TBL3: variants seen among roughly 807,000 people sequenced by gnomAD.
TBL3 encodes transducin beta like 3.
In TBL3, 71 loss-of-function variants were observed where a neutral mutation model predicts 102.7. That is an observed-to-expected ratio of 0.69 (90% confidence interval 0.57 to 0.84). The LOEUF is 0.84. Among genes scored for constraint, TBL3 ranks in the 40% least tolerant of loss-of-function variants. The probability of loss-of-function intolerance (pLI) is 0.00; values close to 1 mark genes in which losing one functional copy is unlikely to be tolerated. For missense variants in TBL3, 1,188 were observed against 1,098.5 expected (o/e 1.08, Z -1.15); for synonymous variants, 578 against 477.7 (o/e 1.21, Z -2.74).
rs1274260295 is a variant in TBL3 at position 1,981,377 on chromosome 16, G to A, written c.*2692G>A. 7.4e-7 allele frequency: 1 copy of A among 1,357,330 alleles called. No individual in the cohort carries two copies. The highest frequency in any genetic ancestry group is 1.5e-5 in the African/African-American group (1 of 68,278). 84.1% of individuals were successfully genotyped at this position (1,357,330 alleles called of 1,614,324 possible). On this transcript the variant is annotated 3_prime_UTR_variant, in exon 22 of 22. Transcript: ENST00000568546. ...TGCTGTCCCCCAAGCCCACGATCTG[G>A]GGGCAGGAGCACAGGGATTGGGGGA...
intron 4 of TBL3, 49 bp downstream of exon 4, chr16:1,974,472 A>G (rs200042172): frequency 3.3e-5 from 53 of 1,589,496 alleles, no homozygotes; most frequent in Non-Finnish European, 3.9e-5. Context: ...CCTCCCTCCC[A>G]GACTGAGTCC....
At position 1,978,873 on chromosome 16, in the gene TBL3, G is replaced by C. The variant is rs992905994; in HGVS notation, c.*188G>C. On this transcript the variant is annotated 3_prime_UTR_variant, in exon 22 of 22. Coordinates refer to ENST00000568546, the MANE Select transcript of TBL3 (RefSeq NM_006453.3). Reference sequence around the variant, plus strand: ...CCACGCCCATCCCGCACCCTGGCCTGGCAGAGATCCAGCCCGCGGCTCCGC... The same window carrying C: ...CCACGCCCATCCCGCACCCTGGCCTCGCAGAGATCCAGCCCGCGGCTCCGC... 3 of 1,080,074 alleles carry C rather than the reference G, an allele frequency of 2.8e-6. No individual in the cohort carries two copies. The African/African-American group carries it at 4.8e-5, about 17-fold the overall frequency. The allele number at this position is 1,080,074 out of a possible 1,614,324, so 66.9% of individuals were successfully genotyped here.
rs536488813 is a variant in TBL3, at chr16:1,976,290, G to C, written c.1268G>C (p.Ser423Thr). The C allele has an allele frequency of 1.9e-5, 30 of 1,613,890 alleles. 1 individual carries two copies. In the East Asian group the frequency reaches 2.0e-4, roughly 11 times the overall value. ...CVAQGSGHTH[S>T]VGTVCCSRLK... ...GCTCAGGGTTCCGGTCACACACACA[G>C]TGTGGGCACCGTCTGCTGCTCTAGG... The change falls in exon 13 of 22, where the codon AGT becomes ACT. Residue 423 changes from serine (S) to threonine (T), a missense_variant. Coordinates refer to ENST00000568546, the MANE Select transcript of TBL3 (RefSeq NM_006453.3).
In TBL3 at chr16:1,976,932, G is replaced by A. The variant is rs542297499; in HGVS notation, c.1411G>A (p.Ala471Thr). ...AGACAACGGCCCTATCCTCCTGCAG[G>A]CCCAGACCACTCAGCGCTGCCATGA... Reference protein sequence around the residue: ...APDNGPILLQAQTTQRCHDKD... With the variant: ...APDNGPILLQTQTTQRCHDKD... Residue 471 changes from alanine (A) to threonine (T), a missense_variant, in exon 14 of 22, where the codon GCC becomes ACC. Transcript: ENST00000568546. 6.2e-7 allele frequency: 1 copy of A among 1,613,954 alleles called. No homozygotes were observed. The highest frequency in any genetic ancestry group is 1.1e-5 in the South Asian group (1 of 91,086).
In TBL3 at chr16:1,975,899, A is replaced by G; in HGVS notation, c.1079A>G (p.Lys360Arg). The G allele has an allele frequency of 1.2e-6, 2 of 1,614,066 alleles. No individual in the cohort carries two copies. Among genetic ancestry groups the G allele is most frequent in the Non-Finnish European group, 1.7e-6 (2 of 1,180,018 alleles). ...GTGGCCTCCAATAGCCCCTGCCTAA[A>G]AGTGTTTGAGCTGCAGACGTCAGCC... is the stretch of plus-strand genomic sequence containing the variant. ...VVVASNSPCL[K>R]VFELQTSACQ... The change falls in exon 11 of 22, where the codon AAA becomes AGA. Residue 360 changes from lysine to arginine, a missense_variant. Transcript: ENST00000568546.
rs897878795 is a variant in TBL3, at chr16:1,976,246, T to C, written c.1224T>C (p.Ala408=). ...TCCGTATCTGGAGAATGAACAAGGCTGGCCAGGTGATGTGCGTGGCTCAGG... is the reference window on the plus strand; with the variant it reads ...TCCGTATCTGGAGAATGAACAAGGCCGGCCAGGTGATGTGCGTGGCTCAGG... ...QSVRIWRMNK[A]GQVMCVAQGS... Residue 408 remains alanine, a synonymous_variant, in exon 13 of 22, where the codon GCT becomes GCC. Coordinates refer to ENST00000568546, the MANE Select transcript of TBL3 (RefSeq NM_006453.3). 6.2e-7 allele frequency: 1 copy of C among 1,614,150 alleles called. No homozygotes were observed. Among genetic ancestry groups the C allele is most frequent in the South Asian group, 1.1e-5 (1 of 91,088 alleles).
At position 1,981,002 on chromosome 16, in the gene TBL3, C is replaced by T. The variant is rs766784516; in HGVS notation, c.*2317C>T. On this transcript the variant is annotated 3_prime_UTR_variant, in exon 22 of 22. Coordinates refer to ENST00000568546, the MANE Select transcript of TBL3 (RefSeq NM_006453.3). Reference sequence around the variant, plus strand: ...AGGTGTCGCTGCCGTCTGACCAGCGCACAGAGAAGGCAAACGTCTGGGGGA... The same window carrying T: ...AGGTGTCGCTGCCGTCTGACCAGCGTACAGAGAAGGCAAACGTCTGGGGGA... 1 of 1,613,326 alleles carries T rather than the reference C, an allele frequency of 6.2e-7. No homozygotes were observed. Among genetic ancestry groups the T allele is most frequent in the East Asian group, 2.2e-5 (1 of 44,882 alleles).
chr16:1,974,097 G>T lies in TBL3; in HGVS notation c.83G>T (p.Gly28Val). ...ERKIEPFYKG[G>V]KAQLDQTGQH... ...AAAATTGAGCCTTTCTACAAGGGCG[G>T]AAAAGCACAGGTACCAGCCTGGGGA... The change falls in exon 2 of 22, where the codon GGA becomes GTA. Residue 28 changes from glycine (G) to valine (V), a missense_variant. Physicochemically the swap from Gly to Val is moderately radical, Grantham distance 109. Transcript: ENST00000568546. The T allele has an allele frequency of 6.3e-7, 1 of 1,586,038 alleles. No homozygotes were observed. Among genetic ancestry groups the T allele is most frequent in the Non-Finnish European group, 8.6e-7 (1 of 1,160,890 alleles).
Position 1,980,753 on chromosome 16 carries a change from T to C in TBL3, c.*2068T>C, listed in dbSNP as rs1383818727. The C allele has an allele frequency of 1.3e-6, 2 of 1,579,606 alleles. No homozygotes were observed. The highest frequency in any genetic ancestry group is 1.1e-5 in the South Asian group (1 of 87,406). On this transcript the variant is annotated 3_prime_UTR_variant, in exon 22 of 22. Coordinates refer to ENST00000568546, the MANE Select transcript of TBL3 (RefSeq NM_006453.3). ...TCTTCTGAGGGCGGGAACCAGGGCA[T>C]TGGTCTTCCAGAGCCCACTGTGCAC... is the stretch of plus-strand genomic sequence containing the variant.
intron 1 of TBL3, 73 bp downstream of exon 1, chr16:1,972,278 G>A (rs1006800110): frequency 2.3e-6 from 3 of 1,282,598 alleles, no homozygotes; most frequent in Non-Finnish European, 3.0e-6. Flanking sequence ...GCGCGCGTGG[G>A]GTGGGCACGC....
rs1033533642 is a variant in TBL3, at chr16:1,979,217, G to A, written c.*532G>A. ...CGGTGGGGGGAGGGGCGGTGGCCTG[G>A]GAGGGTTCAGGGAAGCCCCGGGCCT... On this transcript the variant is annotated 3_prime_UTR_variant, in exon 22 of 22. Transcript: ENST00000568546. The A allele has an allele frequency of 8.1e-6, 12 of 1,479,840 alleles. No homozygotes were observed. The highest frequency in any genetic ancestry group is 9.8e-6 in the Non-Finnish European group (11 of 1,122,516). The allele number at this position is 1,479,840 out of a possible 1,614,324, so 91.7% of individuals were successfully genotyped here. A position where few individuals can be genotyped will look rare whatever the true frequency, so the allele number is the denominator to read the frequency against.
At position 1,977,289 on chromosome 16, in the gene TBL3, G is replaced by A. The variant is rs2083410867; in HGVS notation, c.1671+5G>A. The A allele has an allele frequency of 6.2e-7, 1 of 1,613,436 alleles. No individual in the cohort carries two copies. On this transcript the variant is annotated splice_donor_5th_base_variant and intron_variant, in intron 15 of 21. Coordinates refer to ENST00000568546, the MANE Select transcript of TBL3 (RefSeq NM_006453.3). ...CAGGACTTCAGCTGTCTCAAGGTAA[G>A]TGGCGCTCCAGACCCTCCCCACTTC...
At chr16:1,975,120 G>A (rs1446751074) in intron 7 of TBL3, 22 bp downstream of exon 7, 1 of 1,612,782 alleles carries the variant, frequency 6.2e-7, no homozygotes, top group African/African-American at 1.3e-5. Context: ...GCCCTGGTAG[G>A]AGGGGGAGGC....
In TBL3 at chr16:1,981,076, T is replaced by G. The variant is rs768158427; in HGVS notation, c.*2391T>G. The stretch of plus-strand genomic sequence containing the variant: ...GGTGCTGGTCCAGGCACCCCCTTCC[T>G]ATCCCTTGGGGCCACTAAGGACCCA... On this transcript the variant is annotated 3_prime_UTR_variant, in exon 22 of 22. Transcript: ENST00000568546. 1 of 1,611,126 alleles carries G rather than the reference T, an allele frequency of 6.2e-7. No homozygotes were observed. The highest frequency in any genetic ancestry group is 1.3e-5 in the African/African-American group (1 of 74,914).
rs555947800 is a variant in TBL3, at chr16:1,981,425, GGAA to G, written c.*2750_*2752del. The G allele has an allele frequency of 5.0e-3, 4,708 of 945,762 alleles. 16 individuals carry two copies. The highest frequency in any genetic ancestry group is 6.2e-3 in the Middle Eastern group (18 of 2,910). 58.6% of individuals were successfully genotyped at this position (945,762 alleles called of 1,614,324 possible). ...GGACTTCCAGGCAGAGCTGCTGGGAGGAAGAAGAAGAATGAGCTTTCCAGCCCT... is the reference window on the plus strand; with the variant it reads ...GGACTTCCAGGCAGAGCTGCTGGGAGGAAGAAGAATGAGCTTTCCAGCCCT... On this transcript the variant is annotated 3_prime_UTR_variant, in exon 22 of 22. Transcript: ENST00000568546.
At position 1,979,790 on chromosome 16, in the gene TBL3, C is replaced by T; in HGVS notation, c.*1105C>T. 3 of 1,543,570 alleles carry T rather than the reference C, an allele frequency of 1.9e-6. No homozygotes were observed. The highest frequency in any genetic ancestry group is 2.6e-6 in the Non-Finnish European group (3 of 1,145,738). On this transcript the variant is annotated 3_prime_UTR_variant, in exon 22 of 22. Transcript: ENST00000568546. ...GTGAGGGGTGGGGTTAGGCGCATACCGCTGCTCCCTAGGGACGGGCCTCCC... is the reference window on the plus strand; with the variant it reads ...GTGAGGGGTGGGGTTAGGCGCATACTGCTGCTCCCTAGGGACGGGCCTCCC...
chr16:1,975,979 G>A (rs1461859298), intron 11 of TBL3, 30 bp downstream of exon 11: 3 of 1,613,950 alleles, frequency 1.9e-6, no homozygotes, highest in Non-Finnish European at 2.5e-6. Flanking sequence ...CTGACACCCT[G>A]GGAGCCGCCT....
At chr16:1,978,121 C>T in intron 19 of TBL3, 28 bp from the exon 20 acceptor site, 1 of 1,611,822 alleles carries the variant, frequency 6.2e-7, no homozygotes. Flanking sequence ...CTCTGCTTTC[C>T]CCAGCTCAGC....
intron 13 of TBL3, 27 bp downstream of exon 13, chr16:1,976,341 G>C (rs1450373518): frequency 6.3e-7 from 1 of 1,594,544 alleles, no homozygotes; most frequent in Non-Finnish European, 8.6e-7. Context: ...GGGCCCAGGG[G>C]TGTCAGGGAG....
Sources: gnomAD v4.1 joint callset for allele counts on GRCh38, gnomAD v4.1.1 for gene constraint, MANE v1.5 for transcripts, NCBI Gene and HGNC (gene_info 2026-07-23, HGNC 2026-07-21) for gene names.